Variants in CD86 observed in about 807,000 individuals in gnomAD.
CD86 encodes T-lymphocyte activation antigen CD86.
CD86 carries 11 observed loss-of-function variants against 32.1 expected under a neutral mutation model. The ratio of observed to expected loss-of-function variants is 0.34; its 90% CI spans 0.22 to 0.57. The LOEUF (loss-of-function observed/expected upper bound fraction) is 0.57, where lower values mean the gene tolerates loss of function less well. Ranked by LOEUF, CD86 falls within the 20% of genes least tolerant of loss-of-function variation. The probability of loss-of-function intolerance (pLI) is 0.86; values close to 1 mark genes in which losing one functional copy is unlikely to be tolerated. For synonymous variants in CD86, 137 were observed against 135.3 expected (o/e 1.01, Z -0.09); for missense variants, 359 against 398.4 (o/e 0.90, Z 0.84).
chr3:122,085,431 G>T (rs1474261248), intron 1 of CD86, among the ~76,000 whole-genome samples: 3 of 152,170 alleles, frequency 2.0e-5, no homozygotes, highest in African/African-American at 7.2e-5. Flanking sequence ...TGCAAACACT[G>T]CTCGAATACC....
At chr3:122,068,100 TA>T (rs577628171) in intron 1 of CD86, among the ~76,000 whole-genome samples, 11 of 150,336 alleles carry the variant, frequency 7.3e-5, no homozygotes, top group Non-Finnish European at 1.5e-4. Context: ...ATGGAAACTT[TA>T]AAAAAAAAAT....
intron 1 of CD86, among the ~76,000 whole-genome samples, chr3:122,088,146 C>A (rs1331024014): frequency 6.7e-6 from 1 of 149,370 alleles, no homozygotes; most frequent in East Asian, 1.9e-4. Flanking sequence ...ATGAGCGATT[C>A]CCATATTAGG....
intron 5 of CD86, among the ~76,000 whole-genome samples, chr3:122,114,357 G>T (rs549511289): frequency 6.6e-6 from 1 of 152,250 alleles, no homozygotes; most frequent in East Asian, 1.9e-4. Flanking sequence ...TATAGGAATT[G>T]CCCTCTTTCC....
chr3:122,106,142 C>A, intron 3 of CD86, 56 bp from the exon 4 acceptor site: 1 of 1,355,912 alleles, frequency 7.4e-7, no homozygotes, highest in Non-Finnish European at 1.0e-6. Flanking sequence ...TTGCTATTCC[C>A]TCCTAGATAC....
chr3:122,118,665 CT>C (rs2073294647), intron 6 of CD86, among the ~76,000 whole-genome samples: 1 of 152,156 alleles, frequency 6.6e-6, no homozygotes, highest in Non-Finnish European at 1.5e-5. Flanking sequence ...CCAGATTATG[CT>C]TACATATTTG....
chr3:122,110,644 C>T (rs2073158076), intron 5 of CD86, among the ~76,000 whole-genome samples: 1 of 152,192 alleles, frequency 6.6e-6, no homozygotes, highest in South Asian at 2.1e-4. Flanking sequence ...AATAAATTAA[C>T]ACAAAGCATG....
In CD86 at chr3:122,056,728, A is replaced by T. The variant is rs373161215; in HGVS notation, c.14+1225A>T. ...TTTGAGAAAAAGCTTTGTTGCTTTT[A>T]TTTCAGAAGATTAAAATTTAATTTT... On this transcript the variant is annotated intron_variant, in intron 1 of 6. Coordinates refer to ENST00000330540, the MANE Select transcript of CD86 (RefSeq NM_175862.5). Among the ~76,000 whole-genome samples, 4 of 152,226 alleles carry T rather than the reference A, an allele frequency of 2.6e-5. No individual in the cohort carries two copies. The East Asian group carries it at 7.7e-4, about 29-fold the overall frequency.
intron 4 of CD86, among the ~76,000 whole-genome samples, chr3:122,107,681 G>T (rs557683193): frequency 6.6e-6 from 1 of 152,048 alleles, no homozygotes; most frequent in Non-Finnish European, 1.5e-5. Flanking sequence ...TGATTTCTTG[G>T]CTTGCCCCCT....
intron 5 of CD86, 117 bp downstream of exon 5, chr3:122,109,525 T>TG (rs778628319): frequency 1.7e-6 from 2 of 1,210,534 alleles, no homozygotes; most frequent in South Asian, 1.3e-5. Context: ...AGGAAGTTGT[T>TG]GGGAAAAAAG....
Position 122,103,499 on chromosome 3 carries a change from C to A in CD86, c.65-13C>A. 6.3e-7 allele frequency: 1 copy of A among 1,585,422 alleles called. No individual in the cohort carries two copies. Among genetic ancestry groups the A allele is most frequent in the Non-Finnish European group, 8.6e-7 (1 of 1,163,432 alleles). ...TTGTTTCTCCCTCCCTAATCCTTAACCTTCTTTTTTAGGTGCTGCTCCTCT... is the reference window on the plus strand; with the variant it reads ...TTGTTTCTCCCTCCCTAATCCTTAAACTTCTTTTTTAGGTGCTGCTCCTCT... On this transcript the variant is annotated splice_polypyrimidine_tract_variant and intron_variant, in intron 2 of 6. Transcript: ENST00000330540.
intron 1 of CD86, among the ~76,000 whole-genome samples, chr3:122,082,879 A>G (rs1219813585): frequency 6.6e-6 from 1 of 152,242 alleles, no homozygotes; most frequent in African/African-American, 2.4e-5. Flanking sequence ...TACTAAATAC[A>G]TAAAAGTGAA....
intron 5 of CD86, among the ~76,000 whole-genome samples, chr3:122,112,823 C>A (rs1233979155): frequency 2.0e-5 from 3 of 151,878 alleles, no homozygotes; most frequent in Non-Finnish European, 4.4e-5. Flanking sequence ...CCTTTTTTTA[C>A]ATTTATAAGA....
intron 1 of CD86, chr3:122,077,646 T>C: frequency 2.6e-6 from 1 of 388,980 alleles, no homozygotes; most frequent in Non-Finnish European, 3.5e-6. Context: ...CTCTGGGATC[T>C]CTGGGAATCT....
At chr3:122,116,677 T>C (rs1054016994) in intron 5 of CD86, among the ~76,000 whole-genome samples, 3 of 152,172 alleles carry the variant, frequency 2.0e-5, no homozygotes, top group Non-Finnish European at 4.4e-5. Context: ...TTGGCGGTGG[T>C]ATATTTATAC....
intron 3 of CD86, 50 bp downstream of exon 3, chr3:122,103,897 C>A (rs148848334): frequency 3.5e-6 from 5 of 1,440,678 alleles, no homozygotes; most frequent in East Asian, 2.3e-5. Flanking sequence ...TCAGATGAGA[C>A]TGCAAATGAG....
intron 1 of CD86, among the ~76,000 whole-genome samples, chr3:122,065,618 A>G (rs540146564): frequency 1.6e-4 from 24 of 152,286 alleles, no homozygotes; most frequent in Admixed American, 7.2e-4. Context: ...CCTCATTTAT[A>G]TGAGCTGCTT....
intron 1 of CD86, chr3:122,078,048 A>G (rs1320728847): frequency 1.0e-6 from 1 of 985,416 alleles, no homozygotes; most frequent in Non-Finnish European, 1.2e-6. Context: ...TGTGACAGGT[A>G]TGTTTGTGGA....
At position 122,120,514 on chromosome 3, in the gene CD86, A is replaced by C. The variant is rs1438183074; in HGVS notation, c.*980A>C. ...ACAGATGGATAGTCTGTCCAAATGG[A>C]CATAAGACAGACAGCAGTTTCCCTG... On this transcript the variant is annotated 3_prime_UTR_variant, in exon 7 of 7. Coordinates refer to ENST00000330540, the MANE Select transcript of CD86 (RefSeq NM_175862.5). 1 of 152,374 alleles carries C rather than the reference A, an allele frequency of 6.6e-6. No individual in the cohort carries two copies. The highest frequency in any genetic ancestry group is 1.9e-4 in the East Asian group (1 of 5,188). 9.4% of individuals were successfully genotyped at this position (152,374 alleles called of 1,614,324 possible).
In CD86 at chr3:122,094,032, G is replaced by A. The variant is rs75849872; in HGVS notation, c.64+2382G>A. On this transcript the variant is annotated intron_variant, in intron 2 of 6. Coordinates refer to ENST00000330540, the MANE Select transcript of CD86 (RefSeq NM_175862.5). ...GGATAATATAGCTTCTGCCTCATCC[G>A]TGTTCATCCAGTGCCTCCTCCCCAT... is the stretch of plus-strand genomic sequence containing the variant. Among the ~76,000 whole-genome samples, 851 of 152,266 alleles carry A rather than the reference G, an allele frequency of 5.6e-3. 9 individuals are homozygous for A. The highest frequency in any genetic ancestry group is 0.017 in the South Asian group (84 of 4,822).
Sources: allele counts gnomAD v4.1 joint callset (sites outside exome capture counted in the v4.1 genomes callset), GRCh38; gene constraint gnomAD v4.1.1; transcripts MANE v1.5; gene names NCBI Gene and HGNC (gene_info 2026-07-23, HGNC 2026-07-21).